SLC9B1: variants seen among roughly 807,000 people sequenced by gnomAD.
The protein encoded by SLC9B1 is sodium/hydrogen exchanger 9B1.
In SLC9B1, 32 loss-of-function variants were observed where a neutral mutation model predicts 51.7. That is an observed-to-expected ratio of 0.62 (90% confidence interval 0.47 to 0.83). The LOEUF is 0.83. SLC9B1 is among the 40% of genes least tolerant of loss of function. The pLI is 0.00. For synonymous variants in SLC9B1, 145 were observed against 212.7 expected, an observed-to-expected ratio of 0.68 and a Z score of 2.77; for missense variants, 406 against 613.2, an observed-to-expected ratio of 0.66 and a Z score of 3.57.
chr4:102,927,636 A>C (rs1736253830), intron 7 of SLC9B1, among the ~76,000 whole-genome samples: 1 of 152,240 alleles, frequency 6.6e-6, no homozygotes, highest in Non-Finnish European at 1.5e-5. Context: ...GGGAGTGTAA[A>C]TTAGTTCAAC....
At chr4:102,922,607 T>A (rs1012288242) in intron 7 of SLC9B1, among the ~76,000 whole-genome samples, 39 of 151,804 alleles carry the variant, frequency 2.6e-4, no homozygotes, top group African/African-American at 9.5e-4. Context: ...AAAAAGTCAA[T>A]GAATCCAGGA....
intron 11 of SLC9B1, among the ~76,000 whole-genome samples, chr4:102,905,283 C>G (rs1388452864): frequency 1.3e-5 from 2 of 151,362 alleles, no homozygotes; most frequent in Non-Finnish European, 2.9e-5. Flanking sequence ...TACAGTGGTG[C>G]CATCTCAGCT....
intron 3 of SLC9B1, among the ~76,000 whole-genome samples, chr4:102,949,979 TA>T (rs377046860): frequency 6.6e-6 from 1 of 151,418 alleles, no homozygotes; most frequent in African/African-American, 2.4e-5. Flanking sequence ...AATAAAAAAA[TA>T]AAAAAAACCT....
At position 102,906,559 on chromosome 4, in the gene SLC9B1, G is replaced by T. The variant is rs769745758; in HGVS notation, c.1172C>A (p.Ser391Ter). 4 of 1,569,398 alleles carry T rather than the reference G, an allele frequency of 2.5e-6. No individual in the cohort carries two copies. The highest frequency in any genetic ancestry group is 1.7e-6 in the Non-Finnish European group (2 of 1,159,584). ...FGLVGAEVSV[S>*]SLESNIVGIS... ...ACCAACAATATTTGATTCAAGCGATGAAACAGATACTTCTGCTCCAACTAA... is the reference window on the plus strand; with the variant it reads ...ACCAACAATATTTGATTCAAGCGATTAAACAGATACTTCTGCTCCAACTAA... Residue 391 changes from serine (S) to a stop codon, truncating the protein, a stop_gained, in exon 10 of 12, where the codon TCA becomes TAA. Transcript: ENST00000296422. LOFTEE classifies it high-confidence loss of function.
intron 6 of SLC9B1, among the ~76,000 whole-genome samples, chr4:102,943,992 A>G (rs910832073): frequency 5.9e-5 from 9 of 152,310 alleles, no homozygotes; most frequent in African/African-American, 2.2e-4. Context: ...GGGTTAGAGC[A>G]TCAGACTGCG....
chr4:102,934,328 T>C (rs1227548139), intron 6 of SLC9B1, among the ~76,000 whole-genome samples: 1 of 151,718 alleles, frequency 6.6e-6, no homozygotes, highest in East Asian at 1.9e-4. Context: ...GAAAATACAA[T>C]GTGTGGAAAC....
At chr4:102,991,447 T>C (rs2110519135) in intron 2 of SLC9B1, among the ~76,000 whole-genome samples, 196 bp downstream of exon 2, 1 of 152,218 alleles carries the variant, frequency 6.6e-6, no homozygotes, top group Non-Finnish European at 1.5e-5. Flanking sequence ...AAATGCTCTA[T>C]AGTCACACCT....
chr4:102,989,117 A>T (rs186037975), intron 3 of SLC9B1, among the ~76,000 whole-genome samples: 162 of 152,250 alleles, frequency 1.1e-3, no homozygotes, highest in African/African-American at 3.7e-3. Context: ...AAAAAAATCA[A>T]TGAATAAAAT....
intron 3 of SLC9B1, among the ~76,000 whole-genome samples, chr4:102,976,129 GT>G (rs1426706074): frequency 3.9e-5 from 6 of 152,176 alleles, no homozygotes; most frequent in Non-Finnish European, 7.3e-5. Context: ...GTGATCATTG[GT>G]GTCAAAAGCT....
intron 7 of SLC9B1, among the ~76,000 whole-genome samples, chr4:102,926,229 G>A (rs1298143407): frequency 6.6e-6 from 1 of 152,254 alleles, no homozygotes; most frequent in Non-Finnish European, 1.5e-5. Flanking sequence ...TCAACATGGT[G>A]TTGGAAGTTC....
At chr4:102,945,960 T>C (rs1737245150) in intron 5 of SLC9B1, among the ~76,000 whole-genome samples, 1 of 151,906 alleles carries the variant, frequency 6.6e-6, no homozygotes, top group South Asian at 2.1e-4. Context: ...TTTAAAAGAT[T>C]GGATTTTACA....
chr4:102,945,403 C>T (rs1737220433), intron 5 of SLC9B1, 83 bp from the exon 6 acceptor site: 18 of 1,410,894 alleles, frequency 1.3e-5, no homozygotes, highest in South Asian at 1.8e-5. Flanking sequence ...ACTATAAAGT[C>T]TTTTTTCATA....
At chr4:103,018,312 A>G (rs1741507769) in intron 1 of SLC9B1, among the ~76,000 whole-genome samples, 1 of 152,212 alleles carries the variant, frequency 6.6e-6, no homozygotes, top group African/African-American at 2.4e-5. Context: ...TGGTACTCTA[A>G]AAGCCCAGAC....
intron 3 of SLC9B1, chr4:102,961,957 T>C: frequency 4.0e-6 from 1 of 251,342 alleles, no homozygotes; most frequent in South Asian, 4.8e-5. Flanking sequence ...ATTCCAAGCA[T>C]GGCGGGGTTC....
rs1247758831 is a variant in SLC9B1 at position 102,932,235 on chromosome 4, C to G, written c.718G>C (p.Gly240Arg). 6.8e-6 allele frequency: 11 copies of G among 1,611,742 alleles called. No individual in the cohort carries two copies. The South Asian group carries it at 1.1e-4, about 16-fold the overall frequency. ...GGAATGCCTTCCTCAACACCATATCCATTTTCTTGCAGCACCATCATGTAA... is the reference window on the plus strand; with the variant it reads ...GGAATGCCTTCCTCAACACCATATCGATTTTCTTGCAGCACCATCATGTAA... ...VPYMMVLQEN[G>R]YGVEEGIPTL... The change falls in exon 7 of 12, where the codon GGA becomes CGA. Residue 240 changes from glycine (G) to arginine (R), a missense_variant. By Grantham distance (125) the Gly-to-Arg change is moderately radical. This residue lies in a region of SLC9B1 where 250 missense variants were observed against 394.1 expected (regional missense o/e 0.63). Transcript: ENST00000296422.
chr4:103,015,702 T>A (rs1007998693), intron 1 of SLC9B1, among the ~76,000 whole-genome samples: 1 of 152,164 alleles, frequency 6.6e-6, no homozygotes, highest in African/African-American at 2.4e-5. Context: ...CACTCTTTAC[T>A]AATCTTGCGT....
intron 3 of SLC9B1, among the ~76,000 whole-genome samples, chr4:102,988,067 T>C (rs1265073128): frequency 6.6e-6 from 1 of 152,176 alleles, no homozygotes; most frequent in Non-Finnish European, 1.5e-5. Context: ...TTCATAAAAC[T>C]GATAATAAAA....
Position 102,945,220 on chromosome 4 carries a change from A to G in SLC9B1, c.626T>C (p.Phe209Ser). The change falls in exon 6 of 12, where the codon TTT becomes TCT. Residue 209 changes from phenylalanine (F) to serine (S), a missense_variant. This residue lies in a region of SLC9B1 where 250 missense variants were observed against 394.1 expected (regional missense o/e 0.63). Coordinates refer to ENST00000296422, the MANE Select transcript of SLC9B1 (RefSeq NM_139173.4). ...AAVFSHFIMK[F>S]PWQWAFLLGF... ...TAATAGAAATGCCCATTGCCAGGGA[A>G]ATTTCATAATGAAGTGTGAAAAAAC... 2 of 1,608,404 alleles carry G rather than the reference A, an allele frequency of 1.2e-6. No individual in the cohort carries two copies. Among genetic ancestry groups the G allele is most frequent in the Non-Finnish European group, 8.5e-7 (1 of 1,176,220 alleles).
exon 12 of SLC9B1, chr4:102,885,243 T>A (rs1733847726): frequency 6.2e-7 from 1 of 1,614,030 alleles, no homozygotes; most frequent in Non-Finnish European, 8.5e-7. Context: ...TTATTGCCTT[T>A]CCTTGGTGTA....
Sources: allele counts gnomAD v4.1 joint callset (sites outside exome capture counted in the v4.1 genomes callset), GRCh38; gene constraint gnomAD v4.1.1; regional missense constraint gnomAD v4.1.1; transcripts MANE v1.5; gene names NCBI Gene and HGNC (gene_info 2026-07-23, HGNC 2026-07-21).